Variants in CRACD observed in about 807,000 individuals in gnomAD.
CRACD encodes capping protein-inhibiting regulator of actin dynamics.
In CRACD, 56 loss-of-function variants were observed where a neutral mutation model predicts 106.8. That is an observed-to-expected ratio of 0.52 (90% CI 0.42 to 0.66). CRACD has a LOEUF of 0.66. Among genes scored for constraint, CRACD ranks in the 30% least tolerant of loss-of-function variants. CRACD has a pLI of 0.00. For missense variants in CRACD, 1,730 were observed against 1,623.2 expected (o/e 1.07, Z -1.13); for synonymous variants, 754 against 670.8 (o/e 1.12, Z -1.92).
intron 2 of CRACD, among the ~76,000 whole-genome samples, chr4:56,202,569 C>G (rs1225952511): frequency 6.6e-6 from 1 of 152,028 alleles, no homozygotes; most frequent in Non-Finnish European, 1.5e-5. Flanking sequence ...TTAAGCTTTC[C>G]AAAGATGAAA....
chr4:56,089,994 A>G (rs1733368750), intron 1 of CRACD, among the ~76,000 whole-genome samples: 3 of 152,182 alleles, frequency 2.0e-5, no homozygotes, highest in Non-Finnish European at 1.5e-5. Context: ...TCATTTTAAA[A>G]TAGTTTCATT....
At chr4:56,236,990 A>G (rs910998657) in intron 2 of CRACD, among the ~76,000 whole-genome samples, 48 of 152,214 alleles carry the variant, frequency 3.2e-4, no homozygotes, top group Non-Finnish European at 6.3e-4. Flanking sequence ...TAATTTAGCC[A>G]TGTATATTAA....
chr4:56,195,243 G>A (rs1468863724), intron 2 of CRACD, among the ~76,000 whole-genome samples: 1 of 152,106 alleles, frequency 6.6e-6, no homozygotes, highest in African/African-American at 2.4e-5. Context: ...GGAGTTTCCA[G>A]GCTTAGAGGG....
chr4:56,058,099 G>A (rs1732149678), intron 1 of CRACD, among the ~76,000 whole-genome samples: 2 of 151,468 alleles, frequency 1.3e-5, no homozygotes, highest in Admixed American at 6.6e-5. Context: ...TAGGATTACA[G>A]GCATGAGCCA....
At chr4:56,278,603 A>G (rs535299388) in intron 3 of CRACD, among the ~76,000 whole-genome samples, 1 of 152,322 alleles carries the variant, frequency 6.6e-6, no homozygotes. Flanking sequence ...GTGGTTTCTT[A>G]GGTACCAAAA....
chr4:56,229,699 G>C (rs1739505249), intron 2 of CRACD, among the ~76,000 whole-genome samples: 1 of 152,142 alleles, frequency 6.6e-6, no homozygotes, highest in South Asian at 2.1e-4. Flanking sequence ...ACCACCTCAT[G>C]ATCATCATTG....
intron 1 of CRACD, among the ~76,000 whole-genome samples, chr4:56,070,052 G>A (rs1732585778): frequency 6.6e-6 from 1 of 152,170 alleles, no homozygotes. Context: ...GGAGCCAACG[G>A]GTGATTTCCT....
intron 1 of CRACD, among the ~76,000 whole-genome samples, chr4:56,154,207 T>C (rs1392880442): frequency 1.3e-5 from 2 of 152,198 alleles, no homozygotes; most frequent in Non-Finnish European, 2.9e-5. Flanking sequence ...GGCGCATGCC[T>C]GTAATCTCAG....
At chr4:56,070,501 G>GT in intron 1 of CRACD, among the ~76,000 whole-genome samples, 1 of 151,912 alleles carries the variant, frequency 6.6e-6, no homozygotes, top group Non-Finnish European at 1.5e-5. Flanking sequence ...GGGTTTCACC[G>GT]TAGTCTCAAT....
At chr4:56,058,151 C>A (rs1732151707) in intron 1 of CRACD, among the ~76,000 whole-genome samples, 1 of 151,430 alleles carries the variant, frequency 6.6e-6, no homozygotes, top group Admixed American at 6.6e-5. Context: ...CTCACTGCAG[C>A]CTCCACCTCC....
At chr4:56,322,834 G>C (rs1484796511) in intron 8 of CRACD, among the ~76,000 whole-genome samples, 2 of 152,162 alleles carry the variant, frequency 1.3e-5, no homozygotes, top group Admixed American at 1.3e-4. Flanking sequence ...TTCGAGACCA[G>C]CCTGGCCAAC....
At chr4:56,220,050 AAG>A (rs746273557) in intron 2 of CRACD, among the ~76,000 whole-genome samples, 17 of 152,194 alleles carry the variant, frequency 1.1e-4, no homozygotes, top group Non-Finnish European at 2.4e-4. Flanking sequence ...AAGAGGAAAA[AAG>A]GAATAAAATC....
Position 56,323,671 on chromosome 4 carries a change from C to T in CRACD, c.3378+104C>T, listed in dbSNP as rs151070936. On this transcript the variant is annotated intron_variant, in intron 9 of 10. Coordinates refer to ENST00000682029, the MANE Select transcript of CRACD (RefSeq NM_001393381.1). ...AGGCTAGCTGGGCTGGTGGAAAGTA[C>T]TTAGAGAGGGCCAAGCAGTAAATAA... is the stretch of plus-strand genomic sequence containing the variant. 9.0e-5 allele frequency: 100 copies of T among 1,115,784 alleles called. No individual in the cohort carries two copies. The African/African-American group carries it at 1.5e-3, about 16-fold the overall frequency. The allele number at this position is 1,115,784 out of a possible 1,614,324, so 69.1% of individuals were successfully genotyped here.
Position 56,143,031 on chromosome 4 carries a change from A to G in CRACD, c.-335-36253A>G, listed in dbSNP as rs573090968. ...TTTTTTTACATATTATCAATCATTT[A>G]CCTTGCTAGAAAAAATTTTAGAACT... is the stretch of plus-strand genomic sequence containing the variant. On this transcript the variant is annotated intron_variant, in intron 1 of 10. Coordinates refer to ENST00000682029, the MANE Select transcript of CRACD (RefSeq NM_001393381.1). Among the ~76,000 whole-genome samples the G allele has an allele frequency of 5.3e-5, 8 of 151,628 alleles. No individual in the cohort carries two copies. The East Asian group carries it at 1.5e-3, about 29-fold the overall frequency.
chr4:56,198,502 A>G (rs1278056151), intron 2 of CRACD, among the ~76,000 whole-genome samples: 1 of 152,246 alleles, frequency 6.6e-6, no homozygotes, highest in Non-Finnish European at 1.5e-5. Context: ...AGGAGACAAA[A>G]CAATTAGAAA....
chr4:56,166,140 G>C (rs1367649487), intron 1 of CRACD, among the ~76,000 whole-genome samples: 1 of 152,122 alleles, frequency 6.6e-6, no homozygotes, highest in African/African-American at 2.4e-5. Flanking sequence ...ACAGGTGTGA[G>C]CCACTGTACC....
intron 1 of CRACD, among the ~76,000 whole-genome samples, chr4:56,121,990 G>A (rs1734500409): frequency 6.6e-6 from 1 of 152,074 alleles, no homozygotes; most frequent in Non-Finnish European, 1.5e-5. Context: ...AAGCAGACTG[G>A]GTTTTAGTCA....
chr4:56,223,929 T>C (rs934704834), intron 2 of CRACD, among the ~76,000 whole-genome samples: 8 of 152,138 alleles, frequency 5.3e-5, no homozygotes, highest in Non-Finnish European at 2.9e-5. Flanking sequence ...TGGCTAATTT[T>C]TTAATTTTTT....
intron 1 of CRACD, among the ~76,000 whole-genome samples, chr4:56,160,202 T>TGAA (rs1735904500): frequency 7.8e-6 from 1 of 127,540 alleles, no homozygotes; most frequent in Non-Finnish European, 1.7e-5. Flanking sequence ...TTTTTTTTTT[T>TGAA]GAAGAAGTCT....
Sources: allele counts gnomAD v4.1 joint callset (sites outside exome capture counted in the v4.1 genomes callset), GRCh38; gene constraint gnomAD v4.1.1; transcripts MANE v1.5; gene names NCBI Gene and HGNC (gene_info 2026-07-23, HGNC 2026-07-21).